The following RFX2 variants were observed in gnomAD, a reference collection of about 807,000 sequenced individuals.
RFX2 encodes regulatory factor X2, also known as DNA-binding protein RFX2.
In RFX2, 20 loss-of-function variants were observed where a neutral mutation model predicts 87.8. The observed-to-expected ratio is 0.23, with a 90% confidence interval of 0.16 to 0.33. The LOEUF (loss-of-function observed/expected upper bound fraction) is 0.33, where lower values mean the gene tolerates loss of function less well. Among genes scored for constraint, RFX2 ranks in the 10% least tolerant of loss-of-function variants. The pLI is 1.00. For missense variants in RFX2, 767 were observed against 1,012.3 expected (o/e 0.76, Z 3.29); for synonymous variants, 397 against 431.3 (o/e 0.92, Z 0.98).
chr19:6,041,909 A>G (rs2087113432), intron 4 of RFX2, 135 bp downstream of exon 4: 1 of 746,046 alleles, frequency 1.3e-6, no homozygotes, highest in Non-Finnish European at 2.4e-6. Context: ...CAGTTTCCTA[A>G]TAGCATTTTA....
At chr19:6,014,118 A>G (rs929906111) in intron 7 of RFX2, among the ~76,000 whole-genome samples, 1 of 152,204 alleles carries the variant, frequency 6.6e-6, no homozygotes, top group African/African-American at 2.4e-5. Flanking sequence ...GGAGGGAAGC[A>G]TTAACCCACA....
chr19:5,994,518 T>C lies in RFX2; in HGVS notation c.*317A>G, dbSNP rs2086376317. On this transcript the variant is annotated 3_prime_UTR_variant, in exon 18 of 18. Transcript: ENST00000303657. Reference sequence around the variant, plus strand: ...CAGCCCTTTCAGCTCTTAAAGGGACTGGGGCCAAAGTCCAGGGTTCCAGCA... The same window carrying C: ...CAGCCCTTTCAGCTCTTAAAGGGACCGGGGCCAAAGTCCAGGGTTCCAGCA... The C allele has an allele frequency of 2.9e-6, 1 of 346,562 alleles. No homozygotes were observed. The highest frequency in any genetic ancestry group is 5.5e-5 in the South Asian group (1 of 18,196). The allele number at this position is 346,562 out of a possible 1,614,324, so 21.5% of individuals were successfully genotyped here. A position where few individuals can be genotyped will look rare whatever the true frequency, so the allele number is the denominator to read the frequency against.
intron 5 of RFX2, among the ~76,000 whole-genome samples, chr19:6,030,380 A>G (rs2086940073): frequency 6.6e-6 from 1 of 152,218 alleles, no homozygotes; most frequent in Admixed American, 6.5e-5. Context: ...AAAAACCCAC[A>G]TGTCAATGAG....
intron 1 of RFX2, among the ~76,000 whole-genome samples, chr19:6,090,589 C>T (rs78478209): frequency 0.059 from 9,050 of 152,116 alleles, 833 homozygotes; most frequent in African/African-American, 0.19. Context: ...CACTCCCTGC[C>T]GGTGGGACTG....
chr19:6,024,528 G>GC lies in RFX2; in HGVS notation c.597+1634dup, dbSNP rs542039817. Among the ~76,000 whole-genome samples the GC allele has an allele frequency of 1.0e-3, 155 of 152,306 alleles. No homozygotes were observed. Among genetic ancestry groups the GC allele is most frequent in the African/African-American group, 2.9e-3 (121 of 41,558 alleles). On this transcript the variant is annotated intron_variant, in intron 6 of 17. Coordinates refer to ENST00000303657, the MANE Select transcript of RFX2 (RefSeq NM_000635.4). The surrounding 1 kb of genome is among the most constrained non-coding windows in gnomAD (Gnocchi z 5.0). ...TTTCTGCCATTTCTTCTAGTGACCA[G>GC]CCCCCTGAGGCAAAGGGCAGAGGCC... is the stretch of plus-strand genomic sequence containing the variant.
At chr19:6,088,509 C>T (rs2087889270) in intron 1 of RFX2, among the ~76,000 whole-genome samples, 1 of 146,230 alleles carries the variant, frequency 6.8e-6, no homozygotes, top group African/African-American at 2.7e-5. Context: ...CCATGCCAGC[C>T]CAGCATTTTT....
Position 6,007,031 on chromosome 19 carries a change from G to T in RFX2, c.1383C>A (p.Asp461Glu), listed in dbSNP as rs748535506. The change falls in exon 12 of 18, where the codon GAC becomes GAA. Residue 461 changes from aspartate (D) to glutamate (E), a missense_variant. Asp to Glu is a conservative substitution (Grantham distance 45, BLOSUM62 2). Transcript: ENST00000303657. This position sits in a 1 kb window ranked among gnomAD's most constrained non-coding sequence, Gnocchi z 8.2. ...ACTTACTGGGGACCGGCCTCAGCACGTCGGGGATGAGAATCTCCACCAGCG... is the reference window on the plus strand; with the variant it reads ...ACTTACTGGGGACCGGCCTCAGCACTTCGGGGATGAGAATCTCCACCAGCG... ...YQALVEILIP[D>E]VLRPVPSTLT... 3 of 1,614,148 alleles carry T rather than the reference G, an allele frequency of 1.9e-6. No homozygotes were observed. Among genetic ancestry groups the T allele is most frequent in the Middle Eastern group, 1.6e-4 (1 of 6,062 alleles).
In RFX2 at chr19:5,994,247, TC is replaced by T. The variant is rs1470829877; in HGVS notation, c.*587del. 6.6e-6 allele frequency: 1 copy of T among 152,246 alleles called. No homozygotes were observed. Among genetic ancestry groups the T allele is most frequent in the African/African-American group, 2.4e-5 (1 of 41,438 alleles). 9.4% of individuals were successfully genotyped at this position (152,246 alleles called of 1,614,324 possible). A position where few individuals can be genotyped will look rare whatever the true frequency, so the allele number is the denominator to read the frequency against. ...GGGGCATCCGGCAGGGAGGTCTGGA[TC>T]TAAAAGGCCACAGGGCGCTGCGCCC... On this transcript the variant is annotated 3_prime_UTR_variant, in exon 18 of 18. Coordinates refer to ENST00000303657, the MANE Select transcript of RFX2 (RefSeq NM_000635.4).
rs1019623544 is a variant in RFX2 at position 6,012,004 on chromosome 19, T to C, written c.899+982A>G. On this transcript the variant is annotated intron_variant, in intron 8 of 17. Coordinates refer to ENST00000303657, the MANE Select transcript of RFX2 (RefSeq NM_000635.4). This position sits in a 1 kb window ranked among gnomAD's most constrained non-coding sequence, Gnocchi z 4.6. ...ATAAAGTTTTACTGGCACACAGCCA[T>C]GCCCATCATCCTCATGCTGTCTGTG... The C allele has an allele frequency of 1.3e-5, 2 of 152,272 alleles. No homozygotes were observed. Among genetic ancestry groups the C allele is most frequent in the Admixed American group, 1.3e-4 (2 of 15,294 alleles). The allele number at this position is 152,272 out of a possible 1,614,324, so 9.4% of individuals were successfully genotyped here.
At chr19:6,092,681 T>C (rs1035281123) in intron 1 of RFX2, among the ~76,000 whole-genome samples, 1 of 133,478 alleles carries the variant, frequency 7.5e-6, no homozygotes, top group Admixed American at 9.0e-5. Context: ...GACTGTAGGA[T>C]AGGCAGAGCT....
intron 1 of RFX2, among the ~76,000 whole-genome samples, chr19:6,099,814 A>T (rs530351696): frequency 5.3e-5 from 8 of 152,310 alleles, no homozygotes; most frequent in African/African-American, 1.9e-4. Flanking sequence ...TGATTAGTCC[A>T]GCAGCCCCCA....
In RFX2 at chr19:6,061,971, A is replaced by G. The variant is rs888133286; in HGVS notation, c.-8-14467T>C. Among the ~76,000 whole-genome samples, 1 of 152,094 alleles carries G rather than the reference A, an allele frequency of 6.6e-6. No homozygotes were observed. Among genetic ancestry groups the G allele is most frequent in the Non-Finnish European group, 1.5e-5 (1 of 68,010 alleles). ...AGCCTGGGCAACATAGCGAGGCCCC[A>G]TCTCTACAAACAAACAAACAAACAA... On this transcript the variant is annotated intron_variant, in intron 1 of 17. Coordinates refer to ENST00000303657, the MANE Select transcript of RFX2 (RefSeq NM_000635.4). The surrounding 1 kb of genome is among the most constrained non-coding windows in gnomAD (Gnocchi z 5.2).
At chr19:6,095,509 G>A (rs1426204875) in intron 1 of RFX2, among the ~76,000 whole-genome samples, 2 of 152,136 alleles carry the variant, frequency 1.3e-5, no homozygotes, top group East Asian at 3.9e-4. Flanking sequence ...ACTCCAGATG[G>A]AACAGGGTAC....
At chr19:6,091,361 T>A (rs2087932092) in intron 1 of RFX2, among the ~76,000 whole-genome samples, 1 of 151,072 alleles carries the variant, frequency 6.6e-6, no homozygotes, top group African/African-American at 2.4e-5. Flanking sequence ...CGTGCACCTA[T>A]AGTCCCAGCC....
chr19:6,003,789 A>C (rs1182117290), intron 13 of RFX2, among the ~76,000 whole-genome samples: 1 of 145,656 alleles, frequency 6.9e-6, no homozygotes, highest in South Asian at 2.2e-4. Flanking sequence ...AAAAAAAAAA[A>C]AAAAAAAAAA....
Position 6,017,367 on chromosome 19 carries a change from G to A in RFX2, c.598-1096C>T, listed in dbSNP as rs1451851871. On this transcript the variant is annotated intron_variant, in intron 6 of 17. Coordinates refer to ENST00000303657, the MANE Select transcript of RFX2 (RefSeq NM_000635.4). This position sits in a 1 kb window ranked among gnomAD's most constrained non-coding sequence, Gnocchi z 4.1. ...AGAGCTCAGTCCCCACACTGGGCAT[G>A]GACGCAAAGGTGGCCTGCCCACCAA... Among the ~76,000 whole-genome samples the A allele has an allele frequency of 6.6e-6, 1 of 152,230 alleles. No homozygotes were observed. Among genetic ancestry groups the A allele is most frequent in the African/African-American group, 2.4e-5 (1 of 41,452 alleles).
In RFX2 at chr19:6,100,368, C is replaced by T. The variant is rs544363525; in HGVS notation, c.-9+10025G>A. Among the ~76,000 whole-genome samples, 5 of 152,190 alleles carry T rather than the reference C, an allele frequency of 3.3e-5. No individual in the cohort carries two copies. In the East Asian group the frequency reaches 9.7e-4, roughly 29 times the overall value. On this transcript the variant is annotated intron_variant, in intron 1 of 17. Transcript: ENST00000303657. ...TTCCTCCTGACATAGCTCAAAGAGA[C>T]ATGACAAGGCGGTTGGGAGAAGAGG...
chr19:6,055,875 G>T (rs1403456214), intron 1 of RFX2, among the ~76,000 whole-genome samples: 1 of 152,174 alleles, frequency 6.6e-6, no homozygotes, highest in Non-Finnish European at 1.5e-5. Flanking sequence ...TACTCTTCAT[G>T]AATAGAAAGG....
chr19:6,036,605 T>C (rs930329356), intron 5 of RFX2, among the ~76,000 whole-genome samples: 4 of 152,238 alleles, frequency 2.6e-5, no homozygotes, highest in African/African-American at 9.7e-5. Context: ...ATCAATGCAA[T>C]TCATTATATT....
Sources: allele counts gnomAD v4.1 joint callset (sites outside exome capture counted in the v4.1 genomes callset), GRCh38; gene constraint gnomAD v4.1.1; non-coding constraint Gnocchi (gnomAD v3.1); transcripts MANE v1.5; gene names NCBI Gene and HGNC (gene_info 2026-07-23, HGNC 2026-07-21).